SATB2: variants seen among roughly 807,000 people sequenced by gnomAD.
The protein encoded by SATB2 is DNA-binding protein SATB2.
A neutral mutation model predicts 73.4 loss-of-function variants in SATB2; 1 was observed. That is an observed-to-expected ratio of 0.01 (90% CI 0.00 to 0.06). The LOEUF is 0.06. SATB2 is among the 10% of genes least tolerant of loss of function. The pLI, the probability that SATB2 is intolerant of heterozygous loss-of-function variation, is 1.00. For synonymous variants in SATB2, 397 were observed against 367.0 expected, an observed-to-expected ratio of 1.08 and a Z score of -0.93; for missense variants, 459 against 945.8, an observed-to-expected ratio of 0.49 and a Z score of 6.75.
intron 10 of SATB2, among the ~76,000 whole-genome samples, chr2:199,281,882 C>CT (rs10718338): frequency 0.019 from 2,318 of 124,038 alleles, 70 homozygotes; most frequent in African/African-American, 0.062. Flanking sequence ...TATTCTCTCT[C>CT]TTTTTTTTTT....
intron 10 of SATB2, among the ~76,000 whole-genome samples, chr2:199,291,853 A>G (rs559227028): frequency 1.3e-5 from 2 of 151,940 alleles, no homozygotes; most frequent in South Asian, 4.2e-4. Context: ...GGAGGTTGCA[A>G]TGAGCCAAGA....
At chr2:199,321,519 CACATAT>C (rs1687890777) in intron 9 of SATB2, among the ~76,000 whole-genome samples, 1 of 150,572 alleles carries the variant, frequency 6.6e-6, no homozygotes, top group Non-Finnish European at 1.5e-5. Context: ...TGTATATACA[CACATAT>C]ACATATATAC....
At chr2:199,362,389 A>G (rs1253900484) in intron 6 of SATB2, among the ~76,000 whole-genome samples, 1 of 117,030 alleles carries the variant, frequency 8.5e-6, no homozygotes, top group Non-Finnish European at 1.6e-5. Flanking sequence ...ATCTAGCAAG[A>G]AGAGTTTCCG....
At chr2:199,419,382 C>A (rs564427002) in intron 3 of SATB2, among the ~76,000 whole-genome samples, 4 of 152,272 alleles carry the variant, frequency 2.6e-5, no homozygotes, top group East Asian at 1.9e-4. Flanking sequence ...CTAAATGGCA[C>A]CCCCAGTGCC....
At chr2:199,368,368 T>C (rs1369283764) in intron 6 of SATB2, among the ~76,000 whole-genome samples, 1 of 152,136 alleles carries the variant, frequency 6.6e-6, no homozygotes, top group Non-Finnish European at 1.5e-5. Context: ...TCTTTGCAGG[T>C]ATCACTTATG....
At chr2:199,378,377 G>A (rs1463150280) in intron 5 of SATB2, among the ~76,000 whole-genome samples, 1 of 152,126 alleles carries the variant, frequency 6.6e-6, no homozygotes, top group Non-Finnish European at 1.5e-5. Context: ...GTGAAATTTG[G>A]GAAAAATTAT....
At chr2:199,318,333 T>C (rs1438427606) in intron 9 of SATB2, among the ~76,000 whole-genome samples, 1 of 152,066 alleles carries the variant, frequency 6.6e-6, no homozygotes, top group Non-Finnish European at 1.5e-5. Flanking sequence ...TAAAGCACTT[T>C]TTGTGCAAAA....
chr2:199,279,094 G>T (rs982555486), intron 10 of SATB2, among the ~76,000 whole-genome samples: 4 of 152,168 alleles, frequency 2.6e-5, no homozygotes, highest in African/African-American at 9.7e-5. Context: ...AATCTCTCTG[G>T]GCTGAAATGT....
chr2:199,345,774 T>C (rs1321928925), intron 7 of SATB2, among the ~76,000 whole-genome samples: 1 of 152,206 alleles, frequency 6.6e-6, no homozygotes, highest in East Asian at 1.9e-4. Flanking sequence ...ACCCTCTTGC[T>C]ATCAAACCTC....
At chr2:199,417,183 G>A (rs1165108899) in intron 3 of SATB2, among the ~76,000 whole-genome samples, 1 of 151,262 alleles carries the variant, frequency 6.6e-6, no homozygotes, top group Non-Finnish European at 1.5e-5. Context: ...TGATCATTTA[G>A]GCCAGGTAAA....
chr2:199,312,134 G>A (rs1405096220), intron 9 of SATB2, among the ~76,000 whole-genome samples: 1 of 151,946 alleles, frequency 6.6e-6, no homozygotes, highest in African/African-American at 2.4e-5. Flanking sequence ...ATGTTCAATG[G>A]GAACTCATGA....
intron 8 of SATB2, among the ~76,000 whole-genome samples, chr2:199,324,180 C>T (rs1687970241): frequency 6.6e-6 from 1 of 152,118 alleles, no homozygotes; most frequent in Non-Finnish European, 1.5e-5. Flanking sequence ...TCTCTCACAG[C>T]ATCCCAGACG....
At chr2:199,380,228 C>G in intron 5 of SATB2, 136 bp downstream of exon 5, 1 of 1,167,666 alleles carries the variant, frequency 8.6e-7, no homozygotes. Flanking sequence ...GCAACATAAT[C>G]TTTTACACCT....
At chr2:199,462,289 C>A (rs574798085), upstream of SATB2, among the ~76,000 whole-genome samples, 107 of 152,210 alleles carry the variant, frequency 7.0e-4, no homozygotes, top group Non-Finnish European at 1.4e-3. This position sits in a 1 kb window ranked among gnomAD's most constrained non-coding sequence, Gnocchi z 5.9. Flanking sequence ...GGAATCATTT[C>A]TTTCAAATGA....
At chr2:199,429,785 C>T (rs1291674266) in intron 3 of SATB2, among the ~76,000 whole-genome samples, 1 of 152,202 alleles carries the variant, frequency 6.6e-6, no homozygotes, top group African/African-American at 2.4e-5. Context: ...TGGCAGGCGC[C>T]TGTAATCCCA....
intron 10 of SATB2, among the ~76,000 whole-genome samples, chr2:199,275,055 C>T (rs555553565): frequency 1.4e-4 from 22 of 152,168 alleles, no homozygotes; most frequent in Admixed American, 1.1e-3. Flanking sequence ...AGAGCAATTG[C>T]GCTAATTGGA....
At chr2:199,417,034 TCTCA>T (rs1210766597) in intron 3 of SATB2, among the ~76,000 whole-genome samples, 130 of 71,022 alleles carry the variant, frequency 1.8e-3, no homozygotes, top group African/African-American at 4.9e-3. Context: ...AGACTCCGTC[TCTCA>T]CACACACACA....
intron 3 of SATB2, among the ~76,000 whole-genome samples, chr2:199,419,337 A>G (rs945343431): frequency 1.3e-5 from 2 of 152,256 alleles, no homozygotes; most frequent in East Asian, 3.8e-4. Flanking sequence ...CATATCTTCC[A>G]GGAAACTATT....
chr2:199,349,235 T>C (rs972352623), intron 6 of SATB2, 62 bp from the exon 7 acceptor site: 4 of 1,231,134 alleles, frequency 3.2e-6, no homozygotes, highest in African/African-American at 1.5e-5. Context: ...ATTGCTAATA[T>C]ATGTAGAACT....
Sources: gnomAD v4.1 joint callset for allele counts (sites outside exome capture counted in the v4.1 genomes callset) on GRCh38, gnomAD v4.1.1 for gene constraint, Gnocchi (gnomAD v3.1) non-coding constraint, MANE v1.5 for transcripts, NCBI Gene and HGNC (gene_info 2026-07-23, HGNC 2026-07-21) for gene names.